The following ROBO1 variants were observed in gnomAD, a reference collection of about 807,000 sequenced individuals.
ROBO1 encodes the protein roundabout guidance receptor 1.
In ROBO1, 149 loss-of-function variants were observed where a neutral mutation model predicts 195.9. The observed-to-expected ratio is 0.76, with a 90% CI of 0.67 to 0.87. The LOEUF (loss-of-function observed/expected upper bound fraction) is 0.87. Among genes scored for constraint, ROBO1 ranks in the 40% least tolerant of loss-of-function variants. The probability of loss-of-function intolerance (pLI) is 0.00; values close to 1 mark genes in which losing one functional copy is unlikely to be tolerated. For missense variants in ROBO1, 1,933 were observed against 2,068.3 expected (o/e 0.93, Z 1.27); for synonymous variants, 816 against 733.2 (o/e 1.11, Z -1.82).
chr3:79,488,767 A>G (rs1939292246), intron 2 of ROBO1, among the ~76,000 whole-genome samples: 1 of 152,184 alleles, frequency 6.6e-6, no homozygotes, highest in Non-Finnish European at 1.5e-5. Flanking sequence ...AAAAAAGCAA[A>G]TACTAAAACC....
intron 14 of ROBO1, among the ~76,000 whole-genome samples, chr3:78,663,015 G>A (rs2107677192): frequency 6.6e-6 from 1 of 152,168 alleles, no homozygotes; most frequent in Admixed American, 6.5e-5. Context: ...TGAAGAAAAT[G>A]TTTTTTGGAC....
In ROBO1 at chr3:79,115,115, C is replaced by T. The variant is rs144023157; in HGVS notation, c.172+10341G>A. On this transcript the variant is annotated intron_variant, in intron 3 of 30. Transcript: ENST00000464233. ...CTCTGATCAGGGAAACCCAAATTTT[C>T]CCCAAATCATACAACCATCATGAAC... Among the ~76,000 whole-genome samples, 1,521 of 152,254 alleles carry T rather than the reference C, an allele frequency of 1.0e-2. 19 individuals carry two copies. The highest frequency in any genetic ancestry group is 0.033 in the African/African-American group (1,365 of 41,546).
intron 2 of ROBO1, among the ~76,000 whole-genome samples, chr3:79,284,212 G>A (rs2031737226): frequency 6.6e-6 from 1 of 151,328 alleles, no homozygotes; most frequent in Non-Finnish European, 1.5e-5. Flanking sequence ...ATTAACTGAG[G>A]GCCGGAGAAT....
chr3:79,505,266 C>A (rs1200121121), intron 2 of ROBO1, among the ~76,000 whole-genome samples: 2 of 150,524 alleles, frequency 1.3e-5, no homozygotes, highest in Non-Finnish European at 3.0e-5. Flanking sequence ...CATTTTCAGT[C>A]TTCCAGCGAA....
In ROBO1 at chr3:79,545,163, GT is replaced by G. The variant is rs1394823169; in HGVS notation, c.88+44660del. Among the ~76,000 whole-genome samples, 52 of 152,256 alleles carry G rather than the reference GT, an allele frequency of 3.4e-4. No homozygotes were observed. The South Asian group carries it at 3.5e-3, about 10-fold the overall frequency. On this transcript the variant is annotated intron_variant, in intron 2 of 30. Coordinates refer to ENST00000464233, the MANE Select transcript of ROBO1 (RefSeq NM_002941.4). ...ATCAGAAGATTAAATAAACTGCAGA[GT>G]TCCAAGGAAATTGCATGTGGACACA... is the stretch of plus-strand genomic sequence containing the variant.
At position 79,466,045 on chromosome 3, in the gene ROBO1, C is replaced by T. The variant is rs191731544; in HGVS notation, c.88+123779G>A. On this transcript the variant is annotated intron_variant, in intron 2 of 30. Coordinates refer to ENST00000464233, the MANE Select transcript of ROBO1 (RefSeq NM_002941.4). ...TCAATCTCCTTTAAAAAAAAAAACA[C>T]TGTGTCTAAATTTAAAATGTTGAGA... 8.6e-5 allele frequency among the ~76,000 whole-genome samples: 13 copies of T among 151,258 alleles called. No individual in the cohort carries two copies. The East Asian group carries it at 2.5e-3, about 29-fold the overall frequency.
chr3:78,727,461 C>G (rs9842992), intron 5 of ROBO1, among the ~76,000 whole-genome samples: 10,256 of 151,956 alleles, frequency 0.067, 753 homozygotes, highest in African/African-American at 0.19. Flanking sequence ...CCTGTCTCCA[C>G]TAAAAATACA....
intron 2 of ROBO1, among the ~76,000 whole-genome samples, chr3:79,515,986 A>G (rs1297834376): frequency 2.0e-5 from 3 of 152,190 alleles, no homozygotes; most frequent in East Asian, 1.9e-4. Context: ...AATAATTACA[A>G]AGCTTTAACA....
chr3:79,669,724 T>A (rs577076712), intron 1 of ROBO1, among the ~76,000 whole-genome samples: 3 of 151,954 alleles, frequency 2.0e-5, no homozygotes, highest in African/African-American at 7.2e-5. Flanking sequence ...CTAGTCACTA[T>A]CATACCTAGG....
At chr3:78,688,910 G>T (rs972689486) in intron 8 of ROBO1, 138 bp from the exon 9 acceptor site, 1 of 809,792 alleles carries the variant, frequency 1.2e-6, no homozygotes, top group Non-Finnish European at 1.7e-6. Flanking sequence ...ACCAATTCTT[G>T]TCCTTAATTT....
intron 2 of ROBO1, among the ~76,000 whole-genome samples, chr3:79,236,985 A>G (rs905440944): frequency 2.0e-5 from 3 of 152,176 alleles, no homozygotes; most frequent in Admixed American, 6.5e-5. Flanking sequence ...GCTTAACTTG[A>G]TTATTAAAAA....
At chr3:79,180,769 T>C (rs4405871) in intron 2 of ROBO1, among the ~76,000 whole-genome samples, 16,799 of 152,118 alleles carry the variant, frequency 0.11, 1,322 homozygotes, top group African/African-American at 0.22. Flanking sequence ...GACTGGGTGA[T>C]GGGCCCTAAG....
At chr3:78,859,030 A>G (rs1443368809) in intron 4 of ROBO1, among the ~76,000 whole-genome samples, 1 of 152,140 alleles carries the variant, frequency 6.6e-6, no homozygotes, top group African/African-American at 2.4e-5. Flanking sequence ...TTAATTCCAC[A>G]ACTCTCTGTT....
At chr3:79,100,899 G>A (rs1393476545) in intron 3 of ROBO1, among the ~76,000 whole-genome samples, 1 of 151,836 alleles carries the variant, frequency 6.6e-6, no homozygotes, top group Non-Finnish European at 1.5e-5. Flanking sequence ...ACAGAAGAGA[G>A]ATTTCTTCCA....
intron 22 of ROBO1, among the ~76,000 whole-genome samples, chr3:78,636,312 A>T (rs923827484): frequency 1.3e-5 from 2 of 152,192 alleles, no homozygotes; most frequent in African/African-American, 4.8e-5. Flanking sequence ...GGGTACACAG[A>T]ATTTGTAGAG....
At chr3:79,113,536 C>T (rs995333340) in intron 3 of ROBO1, among the ~76,000 whole-genome samples, 1 of 151,898 alleles carries the variant, frequency 6.6e-6, no homozygotes, top group African/African-American at 2.4e-5. Flanking sequence ...GGGAGGCCGA[C>T]GTGGGTGGAT....
At chr3:79,652,948 T>C (rs1244947304) in intron 1 of ROBO1, among the ~76,000 whole-genome samples, 2 of 151,986 alleles carry the variant, frequency 1.3e-5, no homozygotes, top group Non-Finnish European at 2.9e-5. Context: ...CTTACCTCTT[T>C]GAACATAGTA....
intron 2 of ROBO1, among the ~76,000 whole-genome samples, chr3:79,527,317 T>C (rs1283860009): frequency 6.6e-6 from 1 of 152,210 alleles, no homozygotes; most frequent in Non-Finnish European, 1.5e-5. Context: ...TATGTTGTTA[T>C]ATTTTGATTC....
At chr3:79,083,079 C>T (rs912125387) in intron 3 of ROBO1, among the ~76,000 whole-genome samples, 4 of 151,980 alleles carry the variant, frequency 2.6e-5, no homozygotes, top group African/African-American at 9.7e-5. Context: ...TGCCTGTAGT[C>T]CCAGCTAGTC....
Sources: allele counts gnomAD v4.1 joint callset (sites outside exome capture counted in the v4.1 genomes callset), GRCh38; gene constraint gnomAD v4.1.1; transcripts MANE v1.5; gene names NCBI Gene and HGNC (gene_info 2026-07-23, HGNC 2026-07-21).